Variants in SH3PXD2A observed in about 807,000 individuals in gnomAD.
The protein encoded by SH3PXD2A is SH3 and PX domain-containing protein 2A.
Under a neutral mutation model 115.2 loss-of-function variants are expected in SH3PXD2A, and 32 were observed. The ratio of observed to expected loss-of-function variants is 0.28; its 90% CI spans 0.21 to 0.37. SH3PXD2A has a LOEUF of 0.37. Ranked by LOEUF, SH3PXD2A falls within the 10% of genes least tolerant of loss-of-function variation. The pLI, the probability that SH3PXD2A is intolerant of heterozygous loss-of-function variation, is 1.00. For missense variants in SH3PXD2A, 1,328 were observed against 1,498.7 expected (o/e 0.89, Z 1.88); for synonymous variants, 610 against 629.1 (o/e 0.97, Z 0.45).
intron 5 of SH3PXD2A, among the ~76,000 whole-genome samples, chr10:103,723,249 C>A (rs945993611): frequency 6.6e-6 from 1 of 152,178 alleles, no homozygotes; most frequent in Non-Finnish European, 1.5e-5. Flanking sequence ...CTCACCCATC[C>A]GGTACTTTAA....
intron 3 of SH3PXD2A, among the ~76,000 whole-genome samples, chr10:103,750,738 T>C (rs2038567008): frequency 6.6e-6 from 1 of 152,204 alleles, no homozygotes; most frequent in South Asian, 2.1e-4. Context: ...GGGTCAATGC[T>C]CTTTCTGCCT....
At chr10:103,724,148 GC>G (rs948632431) in intron 5 of SH3PXD2A, 121 bp downstream of exon 5, 36 of 472,282 alleles carry the variant, frequency 7.6e-5, no homozygotes, top group Non-Finnish European at 3.0e-5. Context: ...CTGTTCTTTA[GC>G]CCGGCTGGCC....
At chr10:103,817,096 C>T (rs2134284734) in intron 1 of SH3PXD2A, among the ~76,000 whole-genome samples, 1 of 151,456 alleles carries the variant, frequency 6.6e-6, no homozygotes, top group South Asian at 2.1e-4. Flanking sequence ...ACAATCTGCC[C>T]ACCTCCCAAA....
chr10:103,737,232 A>G lies in SH3PXD2A; in HGVS notation c.230-1424T>C, dbSNP rs148016807. On this transcript the variant is annotated intron_variant, in intron 3 of 14. Coordinates refer to ENST00000369774, the MANE Select transcript of SH3PXD2A (RefSeq NM_001394015.1). ...AACCAGGGTCCACCTGGTACTTTTC[A>G]GTTGCATAAAACAATACCATTTTCT... is the stretch of plus-strand genomic sequence containing the variant. Among the ~76,000 whole-genome samples the G allele has an allele frequency of 2.3e-3, 357 of 152,348 alleles. 2 individuals carry two copies. Among genetic ancestry groups the G allele is most frequent in the African/African-American group, 8.3e-3 (346 of 41,580 alleles).
intron 3 of SH3PXD2A, among the ~76,000 whole-genome samples, chr10:103,763,454 C>T (rs945343706): frequency 1.3e-5 from 2 of 152,224 alleles, no homozygotes; most frequent in Non-Finnish European, 2.9e-5. Flanking sequence ...AGGCAAAGGG[C>T]TGGCAAGGCT....
At chr10:103,634,902 T>G (rs193176543) in intron 8 of SH3PXD2A, among the ~76,000 whole-genome samples, 2 of 152,228 alleles carry the variant, frequency 1.3e-5, no homozygotes, top group Admixed American at 6.5e-5. Flanking sequence ...TTCCTGAGGT[T>G]GTTGAGGGGA....
At chr10:103,626,606 T>TA (rs150670940) in intron 9 of SH3PXD2A, among the ~76,000 whole-genome samples, 2,843 of 114,598 alleles carry the variant, frequency 0.025, 30 homozygotes, top group Non-Finnish European at 0.034. Flanking sequence ...TGTTTGGAAT[T>TA]AAAAAAAAAA....
At chr10:103,654,655 T>C (rs1347288494) in intron 8 of SH3PXD2A, among the ~76,000 whole-genome samples, 1 of 152,118 alleles carries the variant, frequency 6.6e-6, no homozygotes, top group Non-Finnish European at 1.5e-5. Flanking sequence ...GGCCTCAAGT[T>C]ACCCTCCCAC....
At chr10:103,661,731 A>G in intron 7 of SH3PXD2A, 1 of 985,270 alleles carries the variant, frequency 1.0e-6, no homozygotes, top group African/African-American at 1.7e-5. Context: ...GCGAGGAGTC[A>G]AGAGGGTTTG....
At chr10:103,744,246 C>T (rs973753307) in intron 3 of SH3PXD2A, among the ~76,000 whole-genome samples, 161 of 152,024 alleles carry the variant, frequency 1.1e-3, no homozygotes, top group African/African-American at 3.2e-3. Flanking sequence ...CTCCACCTCC[C>T]GGGTTCAAGC....
chr10:103,729,195 C>T (rs181150626), intron 4 of SH3PXD2A, among the ~76,000 whole-genome samples: 40 of 152,254 alleles, frequency 2.6e-4, no homozygotes, highest in Admixed American at 5.9e-4. Flanking sequence ...CCATGGCGTC[C>T]GGCTGTAAGT....
chr10:103,632,208 G>A (rs1037937007), intron 8 of SH3PXD2A, among the ~76,000 whole-genome samples: 1 of 151,962 alleles, frequency 6.6e-6, no homozygotes, highest in African/African-American at 2.4e-5. Flanking sequence ...ACCTCCCCCA[G>A]CACACTTCCT....
intron 10 of SH3PXD2A, 122 bp from the exon 11 acceptor site, chr10:103,617,436 T>G: frequency 1.4e-6 from 1 of 691,176 alleles, no homozygotes; most frequent in East Asian, 2.6e-5. Flanking sequence ...TCCACTGGGT[T>G]GGCTCTGGCT....
At chr10:103,707,778 G>T (rs549977620) in intron 5 of SH3PXD2A, among the ~76,000 whole-genome samples, 146 of 152,230 alleles carry the variant, frequency 9.6e-4, no homozygotes, top group Non-Finnish European at 1.5e-3. Context: ...TAGCCCAGTG[G>T]CAGAGCTGGG....
chr10:103,825,605 C>T (rs1216273531), intron 1 of SH3PXD2A, among the ~76,000 whole-genome samples: 1 of 152,126 alleles, frequency 6.6e-6, no homozygotes, highest in Non-Finnish European at 1.5e-5. Flanking sequence ...AAATATCATC[C>T]AAGTCACTGA....
At chr10:103,748,460 G>A (rs2038534133) in intron 3 of SH3PXD2A, among the ~76,000 whole-genome samples, 1 of 152,182 alleles carries the variant, frequency 6.6e-6, no homozygotes, top group South Asian at 2.1e-4. Context: ...GGGGCAACAC[G>A]CAACACCCAT....
chr10:103,821,187 G>T (rs889971271), intron 1 of SH3PXD2A, among the ~76,000 whole-genome samples: 3 of 147,990 alleles, frequency 2.0e-5, no homozygotes, highest in African/African-American at 7.5e-5. Context: ...CTGTCACCCA[G>T]GCTGGAGTGC....
chr10:103,603,248 G>A lies in SH3PXD2A; in HGVS notation c.1970C>T (p.Ser657Phe). Reference sequence around the variant, plus strand: ...TGACTTGGGGGAGCCTGATTTGGGGGAGTTTTTCCTGGTCAGGGACAGCGA... The same window carrying A: ...TGACTTGGGGGAGCCTGATTTGGGGAAGTTTTTCCTGGTCAGGGACAGCGA... ...SSSLSLTRKN[S>F]PKSGSPKSSS... Residue 657 changes from serine (S) to phenylalanine (F), a missense_variant, in exon 15 of 15, where the codon TCC (serine) becomes TTC (phenylalanine). Around this residue, in one of 5 missense-constraint regions of SH3PXD2A, gnomAD observed 574 missense variants for 565.7 expected, o/e 1.01. Transcript: ENST00000369774. 1 of 1,614,108 alleles carries A rather than the reference G, an allele frequency of 6.2e-7. No homozygotes were observed. Among genetic ancestry groups the A allele is most frequent in the South Asian group, 1.1e-5 (1 of 91,088 alleles).
At chr10:103,764,295 G>A (rs1283884082) in intron 3 of SH3PXD2A, among the ~76,000 whole-genome samples, 1 of 152,220 alleles carries the variant, frequency 6.6e-6, no homozygotes, top group Non-Finnish European at 1.5e-5. Flanking sequence ...TGAGCAGGAG[G>A]AAGGCCAGGG....
Sources: gnomAD v4.1 joint callset for allele counts (sites outside exome capture counted in the v4.1 genomes callset) on GRCh38, gnomAD v4.1.1 for gene constraint, gnomAD v4.1.1 regional missense constraint, MANE v1.5 for transcripts, NCBI Gene and HGNC (gene_info 2026-07-23, HGNC 2026-07-21) for gene names.